The following MTR variants were observed in gnomAD, a reference collection of about 807,000 sequenced individuals.
MTR encodes methionine synthase.
In MTR, 84 loss-of-function variants were observed where a neutral mutation model predicts 154.8. The ratio of observed to expected loss-of-function variants is 0.54; its 90% CI spans 0.45 to 0.65. The LOEUF (loss-of-function observed/expected upper bound fraction) is 0.65. Among genes scored for constraint, MTR ranks in the 30% least tolerant of loss-of-function variants. The pLI, the probability that MTR is intolerant of heterozygous loss-of-function variation, is 0.00. For missense variants in MTR, 1,275 were observed against 1,570.2 expected (o/e 0.81, Z 3.18); for synonymous variants, 554 against 553.9 (o/e 1.00, Z 0.00).
chr1:236,853,947 A>G (rs1301088151), intron 18 of MTR, among the ~76,000 whole-genome samples: 4 of 152,234 alleles, frequency 2.6e-5, no homozygotes, highest in African/African-American at 4.8e-5. Context: ...TCTTTACCTC[A>G]AAAGAACTTG....
At chr1:236,877,792 A>G (rs1665512965) in intron 24 of MTR, among the ~76,000 whole-genome samples, 1 of 152,150 alleles carries the variant, frequency 6.6e-6, no homozygotes, top group Non-Finnish European at 1.5e-5. Flanking sequence ...GATCATCTTC[A>G]TTAGCTATTG....
chr1:236,876,158 G>T (rs2066190), intron 24 of MTR, among the ~76,000 whole-genome samples: 98,149 of 152,162 alleles, frequency 0.65, 31,917 homozygotes, highest in South Asian at 0.7. Flanking sequence ...CCAAAAAGTA[G>T]ATACCATGGC....
intron 31 of MTR, among the ~76,000 whole-genome samples, chr1:236,895,896 C>T (rs1033348607): frequency 5.9e-5 from 9 of 152,234 alleles, no homozygotes; most frequent in African/African-American, 1.9e-4. Flanking sequence ...CGACCTTTGT[C>T]CCTCAGTAAT....
intron 25 of MTR, 40 bp downstream of exon 25, chr1:236,880,876 A>G: frequency 6.4e-7 from 1 of 1,557,630 alleles, no homozygotes; most frequent in Non-Finnish European, 8.9e-7. Context: ...GATGTGTTGG[A>G]AAGCTTGCAT....
chr1:236,826,449 C>T (rs1421975485), intron 10 of MTR, among the ~76,000 whole-genome samples: 1 of 152,058 alleles, frequency 6.6e-6, no homozygotes, highest in Non-Finnish European at 1.5e-5. Context: ...ACACATGCCA[C>T]CATGCCCAGC....
chr1:236,833,569 T>A (rs1662737335), intron 13 of MTR, among the ~76,000 whole-genome samples: 1 of 152,192 alleles, frequency 6.6e-6, no homozygotes, highest in Non-Finnish European at 1.5e-5. Context: ...ACCACTCTGC[T>A]ATCTCTGCCT....
intron 27 of MTR, among the ~76,000 whole-genome samples, chr1:236,888,385 T>C (rs1407779178): frequency 6.6e-6 from 1 of 152,234 alleles, no homozygotes; most frequent in Admixed American, 6.5e-5. Context: ...ACCATCTGTC[T>C]CTGAAGTCTT....
intron 5 of MTR, chr1:236,811,808 A>C (rs1403803483): frequency 2.4e-6 from 1 of 409,434 alleles, no homozygotes; most frequent in East Asian, 7.2e-5. Flanking sequence ...ACAGAATTTC[A>C]TTATAATGTT....
intron 25 of MTR, among the ~76,000 whole-genome samples, chr1:236,883,193 T>C (rs530152787): frequency 6.6e-6 from 1 of 152,372 alleles, no homozygotes; most frequent in East Asian, 1.9e-4. Context: ...TGAAATGTTA[T>C]TTTTAAAAAT....
chr1:236,874,761 C>G lies in MTR; in HGVS notation c.2509C>G (p.Leu837Val). The change falls in exon 24 of 33, where the codon CTG becomes GTG. Residue 837 changes from leucine (L) to valine (V), a missense_variant. Transcript: ENST00000366577. ...CCTGTCAGGACTCATCACTCCTTCCCTGGATGAAATGATTTTTGTTGCCAA... is the reference window on the plus strand; with the variant it reads ...CCTGTCAGGACTCATCACTCCTTCCGTGGATGAAATGATTTTTGTTGCCAA... The part of the protein sequence containing the change: ...IGLSGLITPS[L>V]DEMIFVAKEM... 1 of 1,611,520 alleles carries G rather than the reference C, an allele frequency of 6.2e-7. No homozygotes were observed. The highest frequency in any genetic ancestry group is 2.2e-5 in the East Asian group (1 of 44,778).
chr1:236,874,317 G>C (rs896055202), intron 23 of MTR, among the ~76,000 whole-genome samples: 4 of 152,134 alleles, frequency 2.6e-5, no homozygotes, highest in Non-Finnish European at 5.9e-5. Context: ...GCTCACACCT[G>C]TAATCCCGGC....
chr1:236,795,382 C>G lies in MTR; in HGVS notation c.-322C>G, dbSNP rs1253564153. 3.6e-6 allele frequency: 5 copies of G among 1,401,964 alleles called. No homozygotes were observed. The highest frequency in any genetic ancestry group is 4.7e-6 in the Non-Finnish European group (5 of 1,061,464). 86.8% of individuals were successfully genotyped at this position (1,401,964 alleles called of 1,614,324 possible). On this transcript the variant is annotated 5_prime_UTR_variant, in exon 1 of 33. Coordinates refer to ENST00000366577, the MANE Select transcript of MTR (RefSeq NM_000254.3). ...CTCCTCTGCCGGTTTTCTCTTGGGT[C>G]CTTTTCCGTGCCGTCCCGCGACTCC...
chr1:236,842,598 T>C lies in MTR; in HGVS notation c.1515+3999T>C, dbSNP rs1663318680. ...TATCTGAATGCTCCTTTTAAAAATA[T>C]ATATAGCAACTGTTACTTTTTAATG... is the stretch of plus-strand genomic sequence containing the variant. On this transcript the variant is annotated intron_variant, in intron 15 of 32. Coordinates refer to ENST00000366577, the MANE Select transcript of MTR (RefSeq NM_000254.3). Among the ~76,000 whole-genome samples, 4 of 152,134 alleles carry C rather than the reference T, an allele frequency of 2.6e-5. No individual in the cohort carries two copies. The South Asian group carries it at 8.3e-4, about 31-fold the overall frequency.
chr1:236,885,074 C>T, intron 25 of MTR, 47 bp from the exon 26 acceptor site: 2 of 1,179,374 alleles, frequency 1.7e-6, no homozygotes, highest in Non-Finnish European at 2.5e-6. Flanking sequence ...CATTACTACA[C>T]CAGTTTTATC....
At chr1:236,844,367 G>A (rs1663438192) in intron 15 of MTR, among the ~76,000 whole-genome samples, 1 of 151,998 alleles carries the variant, frequency 6.6e-6, no homozygotes, top group African/African-American at 2.4e-5. Flanking sequence ...AGAAGCAGCA[G>A]TATAGGCAAC....
chr1:236,894,218 C>T, intron 29 of MTR, 139 bp from the exon 30 acceptor site: 1 of 754,016 alleles, frequency 1.3e-6, no homozygotes, highest in Non-Finnish European at 2.3e-6. Context: ...GGGGATGTAA[C>T]AGTGCACAAT....
intron 8 of MTR, chr1:236,820,604 A>AG (rs1359741696): frequency 1.8e-6 from 1 of 554,722 alleles, no homozygotes. Context: ...AAAAAAAAAA[A>AG]GTTTCCGTAA....
At chr1:236,798,251 C>T (rs1389511911) in intron 1 of MTR, among the ~76,000 whole-genome samples, 1 of 152,170 alleles carries the variant, frequency 6.6e-6, no homozygotes, top group Non-Finnish European at 1.5e-5. Flanking sequence ...GTCATTTTAC[C>T]TTCAGAGCAG....
At chr1:236,820,450 C>T (rs564318051) in intron 8 of MTR, 118 of 1,398,288 alleles carry the variant, frequency 8.4e-5, no homozygotes, top group Admixed American at 5.1e-4. Flanking sequence ...CAGCCTGCCA[C>T]GGAAGACTGG....
Sources: allele counts gnomAD v4.1 joint callset (sites outside exome capture counted in the v4.1 genomes callset), GRCh38; gene constraint gnomAD v4.1.1; transcripts MANE v1.5; gene names NCBI Gene and HGNC (gene_info 2026-07-23, HGNC 2026-07-21).